The following DPP10 variants were observed in gnomAD, a reference collection of about 807,000 sequenced individuals.
DPP10 encodes inactive dipeptidyl peptidase 10.
In DPP10, 33 loss-of-function variants were observed where a neutral mutation model predicts 120.9. The ratio of observed to expected loss-of-function variants is 0.27; its 90% CI spans 0.21 to 0.37. DPP10 has a LOEUF of 0.37. DPP10 is among the 10% of genes least tolerant of loss of function. The pLI is 1.00. For missense variants in DPP10, 816 were observed against 942.8 expected, an observed-to-expected ratio of 0.87 and a Z score of 1.76; for synonymous variants, 337 against 326.1, an observed-to-expected ratio of 1.03 and a Z score of -0.36.
chr2:115,535,629 G>GT (rs2078776113), intron 5 of DPP10, among the ~76,000 whole-genome samples: 1 of 150,196 alleles, frequency 6.7e-6, no homozygotes, highest in Admixed American at 6.6e-5. Flanking sequence ...CTTTAAAGTA[G>GT]TTTTTTCCAA....
intron 1 of DPP10, among the ~76,000 whole-genome samples, chr2:114,857,147 G>A (rs929125266): frequency 7.2e-5 from 11 of 152,100 alleles, no homozygotes; most frequent in African/African-American, 2.7e-4. Context: ...TTTCCTTCCC[G>A]GCCTCATTGT....
intron 5 of DPP10, among the ~76,000 whole-genome samples, chr2:115,565,269 A>C (rs1379520219): frequency 6.6e-6 from 1 of 152,218 alleles, no homozygotes; most frequent in African/African-American, 2.4e-5. Context: ...ATGAAATACT[A>C]TAAACCCTTC....
chr2:115,137,732 C>T (rs1371965690), intron 1 of DPP10, among the ~76,000 whole-genome samples: 1 of 152,188 alleles, frequency 6.6e-6, no homozygotes, highest in Non-Finnish European at 1.5e-5. Flanking sequence ...TGAACTCCAA[C>T]TATGAAGGCC....
At chr2:115,648,023 C>T (rs1319703691) in intron 5 of DPP10, among the ~76,000 whole-genome samples, 1 of 152,044 alleles carries the variant, frequency 6.6e-6, no homozygotes, top group African/African-American at 2.4e-5. Context: ...GAAGGAAAAA[C>T]TTATTTTATG....
intron 5 of DPP10, among the ~76,000 whole-genome samples, chr2:115,544,750 A>T (rs1407197493): frequency 6.6e-6 from 1 of 152,040 alleles, no homozygotes; most frequent in Non-Finnish European, 1.5e-5. Flanking sequence ...TATCCTCCTG[A>T]AAAGACTGAA....
intron 1 of DPP10, among the ~76,000 whole-genome samples, chr2:115,128,253 G>A (rs988795845): frequency 6.6e-6 from 1 of 151,842 alleles, no homozygotes; most frequent in Non-Finnish European, 1.5e-5. Context: ...CCTCCTTCAC[G>A]TCTGTATTTA....
At chr2:114,655,316 C>T (rs757992466) in intron 1 of DPP10, among the ~76,000 whole-genome samples, 1 of 152,092 alleles carries the variant, frequency 6.6e-6, no homozygotes, top group Non-Finnish European at 1.5e-5. Flanking sequence ...AGTTACCTAC[C>T]GTGATACTAC....
At chr2:115,535,503 T>C (rs1008783484) in intron 5 of DPP10, among the ~76,000 whole-genome samples, 2 of 151,602 alleles carry the variant, frequency 1.3e-5, no homozygotes, top group African/African-American at 4.8e-5. Flanking sequence ...CCATGCTGTT[T>C]TGGTTACTGT....
intron 1 of DPP10, among the ~76,000 whole-genome samples, chr2:114,710,339 CT>C (rs1178894190): frequency 6.6e-6 from 1 of 152,186 alleles, no homozygotes; most frequent in South Asian, 2.1e-4. Flanking sequence ...CTAATCCCTG[CT>C]ATACAATAAG....
intron 1 of DPP10, among the ~76,000 whole-genome samples, chr2:115,138,362 C>T (rs1372625966): frequency 1.3e-5 from 2 of 152,090 alleles, no homozygotes; most frequent in Admixed American, 6.6e-5. Context: ...TATAAAGCAT[C>T]CTTCCTGGTG....
At position 114,614,019 on chromosome 2, in the gene DPP10, G is replaced by A. The variant is rs772255535; in HGVS notation, c.60+171181G>A. On this transcript the variant is annotated intron_variant, in intron 1 of 25. Transcript: ENST00000410059. ...GCATTAGGACAAATACCTAATGCAT[G>A]TGGGGCTTAAAATCTAGATGATGGG... 4.6e-5 allele frequency among the ~76,000 whole-genome samples: 7 copies of A among 152,140 alleles called. No individual in the cohort carries two copies. The East Asian group carries it at 7.8e-4, about 17-fold the overall frequency.
At chr2:114,941,582 C>T (rs1433490765) in intron 1 of DPP10, among the ~76,000 whole-genome samples, 2 of 152,108 alleles carry the variant, frequency 1.3e-5, no homozygotes, top group Non-Finnish European at 2.9e-5. Context: ...ATCTCCAGTT[C>T]ATTTTAAATT....
intron 5 of DPP10, among the ~76,000 whole-genome samples, chr2:115,603,765 A>G (rs1350276150): frequency 2.6e-5 from 4 of 152,016 alleles, no homozygotes; most frequent in Admixed American, 2.6e-4. Context: ...AATCCAGTCC[A>G]CTGACAAGAT....
intron 2 of DPP10, 139 bp from the exon 3 acceptor site, chr2:115,343,677 CA>C: frequency 6.6e-6 from 3 of 455,040 alleles, no homozygotes; most frequent in East Asian, 3.6e-5. Context: ...GTTCAAATGC[CA>C]AAAACCATGT....
chr2:114,743,577 G>A (rs950529855), intron 1 of DPP10, among the ~76,000 whole-genome samples: 1 of 152,150 alleles, frequency 6.6e-6, no homozygotes, highest in Admixed American at 6.6e-5. Context: ...TCCTGTAAAA[G>A]TGTATCAAGA....
intron 1 of DPP10, among the ~76,000 whole-genome samples, chr2:115,215,039 G>A (rs1034908687): frequency 1.3e-5 from 2 of 152,170 alleles, no homozygotes; most frequent in African/African-American, 4.8e-5. Context: ...TTACCCAATA[G>A]GTTTGGTTTT....
At chr2:115,793,211 G>C (rs984618214) in intron 19 of DPP10, among the ~76,000 whole-genome samples, 15 of 152,090 alleles carry the variant, frequency 9.9e-5, no homozygotes, top group African/African-American at 3.6e-4. Flanking sequence ...CAAAATGCTG[G>C]TTTTGGAGTC....
intron 16 of DPP10, 118 bp downstream of exon 16, chr2:115,781,113 G>A: frequency 1.2e-6 from 1 of 812,846 alleles, no homozygotes; most frequent in Non-Finnish European, 1.8e-6. Context: ...ATAAATTTTT[G>A]TTAATAGGAT....
chr2:115,676,485 A>G (rs895882734), intron 5 of DPP10, among the ~76,000 whole-genome samples: 1 of 152,236 alleles, frequency 6.6e-6, no homozygotes, highest in African/African-American at 2.4e-5. Context: ...TAGAAATTCA[A>G]TAAAAAGATA....
Sources: allele counts gnomAD v4.1 joint callset (sites outside exome capture counted in the v4.1 genomes callset), GRCh38; gene constraint gnomAD v4.1.1; transcripts MANE v1.5; gene names NCBI Gene and HGNC (gene_info 2026-07-23, HGNC 2026-07-21).